RPS6KA2: variants seen among roughly 807,000 people sequenced by gnomAD.
RPS6KA2 encodes the protein ribosomal protein S6 kinase alpha-2.
A neutral mutation model predicts 91.8 loss-of-function variants in RPS6KA2; 42 were observed. The observed-to-expected ratio is 0.46, with a 90% CI of 0.36 to 0.59. RPS6KA2 has a LOEUF of 0.59. RPS6KA2 is among the 20% of genes least tolerant of loss of function. The pLI is 0.00. For synonymous variants in RPS6KA2, 414 were observed against 393.6 expected (o/e 1.05, Z -0.61); for missense variants, 798 against 978.5 (o/e 0.82, Z 2.46).
chr6:166,685,718 T>C (rs889181881), intron 2 of RPS6KA2, among the ~76,000 whole-genome samples: 2 of 152,212 alleles, frequency 1.3e-5, no homozygotes, highest in East Asian at 3.8e-4. Flanking sequence ...ACGTTTCTTA[T>C]GGCAAAGAGC....
intron 15 of RPS6KA2, among the ~76,000 whole-genome samples, chr6:166,431,734 A>G (rs1344917390): frequency 6.6e-6 from 1 of 152,090 alleles, no homozygotes; most frequent in Non-Finnish European, 1.5e-5. Context: ...CTCCTGCCTC[A>G]GCCTCCGGAG....
chr6:166,767,336 A>G lies in RPS6KA2; in HGVS notation c.123+90864T>C, dbSNP rs1778337828. Among the ~76,000 whole-genome samples the G allele has an allele frequency of 6.6e-6, 1 of 152,216 alleles. No individual in the cohort carries two copies. The highest frequency in any genetic ancestry group is 2.4e-5 in the African/African-American group (1 of 41,454). On this transcript the variant is annotated intron_variant, in intron 2 of 21. Coordinates refer to the RPS6KA2 transcript ENST00000503859. The surrounding 1 kb of genome is among the most constrained non-coding windows in gnomAD (Gnocchi z 4.6). Reference sequence around the variant, plus strand: ...GATTTGATGAAAAAGACAGAGGAAAACAGAAAAATCACTCCTCTAACCAAG... The same window carrying G: ...GATTTGATGAAAAAGACAGAGGAAAGCAGAAAAATCACTCCTCTAACCAAG...
At chr6:166,814,571 G>C (rs111852772) in intron 2 of RPS6KA2, among the ~76,000 whole-genome samples, 6 of 151,186 alleles carry the variant, frequency 4.0e-5, no homozygotes. Context: ...TTACTGCCTG[G>C]GCTCCGCCAC....
intron 1 of RPS6KA2, among the ~76,000 whole-genome samples, chr6:166,860,052 C>T (rs1175920233): frequency 6.6e-6 from 1 of 152,102 alleles, no homozygotes; most frequent in Non-Finnish European, 1.5e-5. Context: ...TATTTTAATA[C>T]CATGCAACAT....
At chr6:166,541,854 T>C (rs1783666739) in intron 1 of RPS6KA2, among the ~76,000 whole-genome samples, 2 of 152,204 alleles carry the variant, frequency 1.3e-5, no homozygotes, top group South Asian at 2.1e-4. Flanking sequence ...TTTCATCTCC[T>C]AAAATGACAT....
chr6:166,459,318 C>A lies in RPS6KA2; in HGVS notation c.1075+131G>T. 1 of 624,166 alleles carries A rather than the reference C, an allele frequency of 1.6e-6. No individual in the cohort carries two copies. Among genetic ancestry groups the A allele is most frequent in the Non-Finnish European group, 2.8e-6 (1 of 355,844 alleles). The allele number at this position is 624,166 out of a possible 1,614,324, so 38.7% of individuals were successfully genotyped here. A position where few individuals can be genotyped will look rare whatever the true frequency, so the allele number is the denominator to read the frequency against. ...GAGCAGAGAAAACAACAACAAAAAA[C>A]CCAAACAGAATGGACAGTTATTTTC... On this transcript the variant is annotated intron_variant, in intron 12 of 20. Coordinates refer to ENST00000265678, the MANE Select transcript of RPS6KA2 (RefSeq NM_021135.6). The surrounding 1 kb of genome is among the most constrained non-coding windows in gnomAD (Gnocchi z 4.9).
chr6:166,703,704 A>C (rs966356672), intron 2 of RPS6KA2, among the ~76,000 whole-genome samples: 2 of 152,246 alleles, frequency 1.3e-5, no homozygotes, highest in Admixed American at 6.5e-5. Context: ...ATAGCAGGCG[A>C]AATCACGGAA....
Position 166,822,601 on chromosome 6 carries a change from T to C in RPS6KA2, c.123+35599A>G, listed in dbSNP as rs1185501010. Among the ~76,000 whole-genome samples the C allele has an allele frequency of 3.9e-5, 6 of 152,142 alleles. No homozygotes were observed. In the South Asian group the frequency reaches 1.0e-3, roughly 26 times the overall value. ...AGACACAAACGATTTCCAGCTACAC[T>C]GAGAGTCCATCCCATTCCCTGCCTG... On this transcript the variant is annotated intron_variant, in intron 2 of 21. Coordinates refer to the RPS6KA2 transcript ENST00000503859.
chr6:166,728,817 G>T (rs7767259), intron 2 of RPS6KA2, among the ~76,000 whole-genome samples: 1 of 152,094 alleles, frequency 6.6e-6, no homozygotes, highest in Non-Finnish European at 1.5e-5. Context: ...TCGGGCACCC[G>T]CCAGGCAGGT....
intron 1 of RPS6KA2, among the ~76,000 whole-genome samples, chr6:166,596,429 G>A (rs1785536003): frequency 6.6e-6 from 1 of 152,178 alleles, no homozygotes; most frequent in South Asian, 2.1e-4. Flanking sequence ...CTAGAATAAA[G>A]CAGGCAGGAG....
In RPS6KA2 at chr6:166,639,717, C is replaced by T. The variant is rs564887347; in HGVS notation, c.124-100933G>A. Among the ~76,000 whole-genome samples, 12 of 152,294 alleles carry T rather than the reference C, an allele frequency of 7.9e-5. No individual in the cohort carries two copies. Among genetic ancestry groups the T allele is most frequent in the East Asian group, 5.8e-4 (3 of 5,192 alleles). On this transcript the variant is annotated intron_variant, in intron 2 of 21. Transcript: ENST00000503859. This position sits in a 1 kb window ranked among gnomAD's most constrained non-coding sequence, Gnocchi z 4.2. ...AGTGGCCACGGCTGTCCTTCCTGCC[C>T]GCTCTGCCTCTGCCCACTGGCCACA...
At position 166,624,453 on chromosome 6, in the gene RPS6KA2, A is replaced by C. The variant is rs147320314; in HGVS notation, c.99+2468T>G. On this transcript the variant is annotated intron_variant, in intron 1 of 20. Coordinates refer to ENST00000265678, the MANE Select transcript of RPS6KA2 (RefSeq NM_021135.6). The stretch of plus-strand genomic sequence containing the variant: ...TTTTTTGATGAGTGCTTCTTGGCCT[A>C]TAACCAGCTGTGAACACACAAACGA... Among the ~76,000 whole-genome samples, 554 of 152,320 alleles carry C rather than the reference A, an allele frequency of 3.6e-3. 2 individuals carry two copies. Among genetic ancestry groups the C allele is most frequent in the African/African-American group, 0.011 (460 of 41,568 alleles).
chr6:166,583,662 T>C (rs1193447747), intron 1 of RPS6KA2, among the ~76,000 whole-genome samples: 1 of 152,190 alleles, frequency 6.6e-6, no homozygotes, highest in Non-Finnish European at 1.5e-5. Context: ...CCTGAGTGCT[T>C]ATTAAAGCGC....
upstream of RPS6KA2, among the ~76,000 whole-genome samples, chr6:166,628,700 C>T (rs1256560895): frequency 1.3e-5 from 2 of 152,260 alleles, no homozygotes; most frequent in African/African-American, 2.4e-5. Flanking sequence ...GCTTGGTGAA[C>T]TTGGGTGCCG....
chr6:166,536,164 CT>C (rs1268629794), intron 2 of RPS6KA2, among the ~76,000 whole-genome samples: 4 of 152,228 alleles, frequency 2.6e-5, no homozygotes, highest in Non-Finnish European at 5.9e-5. Context: ...TGACAGGCAA[CT>C]ATGAGCCCTG....
At chr6:166,489,494 A>C (rs1183135937) in intron 9 of RPS6KA2, among the ~76,000 whole-genome samples, 1 of 152,212 alleles carries the variant, frequency 6.6e-6, no homozygotes, top group Non-Finnish European at 1.5e-5. Flanking sequence ...CCACGCGCAG[A>C]GCCTAGTGCT....
chr6:166,700,885 T>C (rs1174782700), intron 2 of RPS6KA2, among the ~76,000 whole-genome samples: 1 of 152,202 alleles, frequency 6.6e-6, no homozygotes, highest in African/African-American at 2.4e-5. Context: ...TGTGTGTTTG[T>C]TTTAAAGCTG....
intron 1 of RPS6KA2, among the ~76,000 whole-genome samples, chr6:166,601,125 T>G (rs138908154): frequency 6.6e-5 from 10 of 152,342 alleles, no homozygotes; most frequent in African/African-American, 1.9e-4. Context: ...CAGATAATAT[T>G]TCTTGGGCAC....
At chr6:166,473,653 G>A (rs967605866) in intron 10 of RPS6KA2, among the ~76,000 whole-genome samples, 1 of 152,220 alleles carries the variant, frequency 6.6e-6, no homozygotes, top group South Asian at 2.1e-4. Flanking sequence ...TATATCCACA[G>A]ATAGCTTTAG....
Sources: gnomAD v4.1 joint callset for allele counts (sites outside exome capture counted in the v4.1 genomes callset) on GRCh38, gnomAD v4.1.1 for gene constraint, Gnocchi (gnomAD v3.1) non-coding constraint, MANE v1.5 for transcripts, NCBI Gene and HGNC (gene_info 2026-07-23, HGNC 2026-07-21) for gene names.